Variants in MAP4K4 observed in about 807,000 individuals in gnomAD.
The protein encoded by MAP4K4 is HPK/GCK-like kinase HGK.
In MAP4K4, 38 loss-of-function variants were observed where a neutral mutation model predicts 189.6. The ratio of observed to expected loss-of-function variants is 0.20; its 90% confidence interval spans 0.15 to 0.26. The LOEUF is 0.26. Ranked by LOEUF, MAP4K4 falls within the 10% of genes least tolerant of loss-of-function variation. The pLI, the probability that MAP4K4 is intolerant of heterozygous loss-of-function variation, is 1.00. For synonymous variants in MAP4K4, 610 were observed against 624.3 expected (o/e 0.98, Z 0.34); for missense variants, 1,054 against 1,726.9 (o/e 0.61, Z 6.91).
chr2:101,794,913 A>G (rs1445093076), intron 3 of MAP4K4, among the ~76,000 whole-genome samples: 1 of 152,108 alleles, frequency 6.6e-6, no homozygotes, highest in Non-Finnish European at 1.5e-5. Context: ...TCCTCATGTT[A>G]TGCTTTAACT....
chr2:101,748,379 C>CAGAA (rs2066743183), intron 2 of MAP4K4, among the ~76,000 whole-genome samples: 1 of 152,190 alleles, frequency 6.6e-6, no homozygotes, highest in South Asian at 2.1e-4. Flanking sequence ...AAAACAACAG[C>CAGAA]TTCTACTGTT....
At chr2:101,798,296 T>C (rs1165458463) in intron 3 of MAP4K4, among the ~76,000 whole-genome samples, 1 of 152,158 alleles carries the variant, frequency 6.6e-6, no homozygotes, top group African/African-American at 2.4e-5. Flanking sequence ...GTACTGTATA[T>C]ATGTCTTTAC....
At chr2:101,757,843 A>G (rs750698223) in intron 2 of MAP4K4, among the ~76,000 whole-genome samples, 26 of 152,170 alleles carry the variant, frequency 1.7e-4, no homozygotes, top group Non-Finnish European at 3.5e-4. Context: ...AACATGGTGA[A>G]ATCCCGTCTC....
chr2:101,828,410 A>G (rs1334748849), intron 5 of MAP4K4, among the ~76,000 whole-genome samples: 1 of 152,226 alleles, frequency 6.6e-6, no homozygotes. Context: ...AAGGTACCAT[A>G]TATTTTTAGT....
At chr2:101,809,026 G>A (rs2095237728) in intron 3 of MAP4K4, among the ~76,000 whole-genome samples, 1 of 152,080 alleles carries the variant, frequency 6.6e-6, no homozygotes, top group Admixed American at 6.6e-5. Context: ...TATATGTGTG[G>A]CTGCGTTTAG....
intron 3 of MAP4K4, among the ~76,000 whole-genome samples, chr2:101,820,781 G>A (rs1311302980): frequency 6.6e-6 from 1 of 152,198 alleles, no homozygotes; most frequent in African/African-American, 2.4e-5. Context: ...ACCACTGGGA[G>A]TGAGTTGTGG....
intron 12 of MAP4K4, among the ~76,000 whole-genome samples, chr2:101,849,114 C>T (rs1267129665): frequency 6.6e-6 from 1 of 152,058 alleles, no homozygotes; most frequent in African/African-American, 2.4e-5. Flanking sequence ...TAATTTTCTT[C>T]CTCCCTCAAA....
Position 101,882,313 on chromosome 2 carries a change from G to A in MAP4K4, c.3386-238G>A, listed in dbSNP as rs542536205. ...TCCAAAGTTCCAGTTATAGTGGCAC[G>A]TCCAGTTTTTCTATTGTTATCTCCT... On this transcript the variant is annotated intron_variant, in intron 27 of 32. Transcript: ENST00000324219. Among the ~76,000 whole-genome samples the A allele has an allele frequency of 6.6e-5, 10 of 152,290 alleles. No homozygotes were observed. In the South Asian group the frequency reaches 8.3e-4, roughly 13 times the overall value.
At chr2:101,842,170 G>A (rs1559151974) in intron 10 of MAP4K4, among the ~76,000 whole-genome samples, 1 of 152,120 alleles carries the variant, frequency 6.6e-6, no homozygotes, top group Non-Finnish European at 1.5e-5. Flanking sequence ...TGCACTCTCC[G>A]TGGATCCCTA....
intron 8 of MAP4K4, 91 bp downstream of exon 8, chr2:101,834,554 T>G: frequency 1.0e-6 from 1 of 962,534 alleles, no homozygotes; most frequent in Non-Finnish European, 1.6e-6. Flanking sequence ...GCTCCATGGA[T>G]AAAGGCATTT....
intron 2 of MAP4K4, among the ~76,000 whole-genome samples, chr2:101,720,059 G>A (rs2050837272): frequency 6.6e-6 from 1 of 151,992 alleles, no homozygotes; most frequent in African/African-American, 2.4e-5. Context: ...GGTAGAAAGA[G>A]TTTGAAGCTT....
intron 10 of MAP4K4, among the ~76,000 whole-genome samples, chr2:101,840,536 T>C (rs1442576999): frequency 6.6e-6 from 1 of 152,060 alleles, no homozygotes. Context: ...CCAGTAACTT[T>C]GTTTTATGTC....
At chr2:101,751,906 G>A (rs1242292302) in intron 2 of MAP4K4, among the ~76,000 whole-genome samples, 1 of 152,190 alleles carries the variant, frequency 6.6e-6, no homozygotes, top group Non-Finnish European at 1.5e-5. Context: ...TCCCAAAGGA[G>A]CCAGCACAGT....
intron 7 of MAP4K4, among the ~76,000 whole-genome samples, chr2:101,834,111 T>A (rs1458841864): frequency 6.6e-6 from 1 of 152,110 alleles, no homozygotes; most frequent in Non-Finnish European, 1.5e-5. Context: ...TCTGGTTCAT[T>A]CATAGATGTG....
intron 12 of MAP4K4, among the ~76,000 whole-genome samples, chr2:101,845,963 G>A (rs2097096656): frequency 6.6e-6 from 1 of 152,094 alleles, no homozygotes; most frequent in Non-Finnish European, 1.5e-5. Flanking sequence ...TAATTTAACA[G>A]CACACTTTGG....
At chr2:101,834,943 T>C (rs2096704627) in intron 8 of MAP4K4, among the ~76,000 whole-genome samples, 1 of 152,190 alleles carries the variant, frequency 6.6e-6, no homozygotes, top group African/African-American at 2.4e-5. Context: ...ATATAATTCA[T>C]TGTTGATCAC....
At chr2:101,818,603 A>T (rs2095856178) in intron 3 of MAP4K4, among the ~76,000 whole-genome samples, 1 of 152,250 alleles carries the variant, frequency 6.6e-6, no homozygotes, top group Admixed American at 6.5e-5. Context: ...GGTCATTAAA[A>T]AACAAACAAC....
chr2:101,705,033 T>A (rs2041538195), intron 2 of MAP4K4, among the ~76,000 whole-genome samples: 1 of 152,110 alleles, frequency 6.6e-6, no homozygotes, highest in South Asian at 2.1e-4. Context: ...AATAAAGTGA[T>A]TCATTGGGAG....
intron 2 of MAP4K4, among the ~76,000 whole-genome samples, chr2:101,704,398 A>G (rs1214737399): frequency 2.6e-5 from 4 of 151,856 alleles, no homozygotes; most frequent in Non-Finnish European, 5.9e-5. Flanking sequence ...CAACCACCAA[A>G]CAAAACCCTG....
Sources: allele counts gnomAD v4.1 joint callset (sites outside exome capture counted in the v4.1 genomes callset), GRCh38; gene constraint gnomAD v4.1.1; transcripts MANE v1.5; gene names NCBI Gene and HGNC (gene_info 2026-07-23, HGNC 2026-07-21).